Variants in FRRS1 observed in about 807,000 individuals in gnomAD.
The protein encoded by FRRS1 is ferric reductase 1.
In FRRS1, 51 loss-of-function variants were observed where a neutral mutation model predicts 70.7. That is an observed-to-expected ratio of 0.72 (90% CI 0.58 to 0.91). The LOEUF is 0.91. Ranked by LOEUF, FRRS1 falls within the 40% of genes least tolerant of loss-of-function variation. The pLI is 0.00. For missense variants in FRRS1, 672 were observed against 726.0 expected, an observed-to-expected ratio of 0.93 and a Z score of 0.86; for synonymous variants, 225 against 238.7, an observed-to-expected ratio of 0.94 and a Z score of 0.53.
intron 9 of FRRS1, among the ~76,000 whole-genome samples, chr1:99,721,493 T>C (rs1401092553): frequency 3.3e-5 from 5 of 150,750 alleles, no homozygotes; most frequent in South Asian, 4.2e-4. Context: ...CCCCCAAAAA[T>C]CTCAAAATCT....
chr1:99,719,154 G>C (rs545335920), intron 10 of FRRS1, among the ~76,000 whole-genome samples: 1 of 152,202 alleles, frequency 6.6e-6, no homozygotes, highest in South Asian at 2.1e-4. Flanking sequence ...ACTCATGCCT[G>C]TAATCCCAGC....
chr1:99,711,207 T>C (rs1654257790), intron 14 of FRRS1: 1 of 423,242 alleles, frequency 2.4e-6, no homozygotes, highest in South Asian at 3.2e-5. Context: ...AGTTTGGCCT[T>C]CTAGTGAACC....
chr1:99,744,365 T>C (rs1391350526), intron 4 of FRRS1, among the ~76,000 whole-genome samples: 1 of 152,172 alleles, frequency 6.6e-6, no homozygotes, highest in Non-Finnish European at 1.5e-5. Context: ...AGTTTGGCTT[T>C]TAAAATGTCA....
At chr1:99,720,401 T>C (rs1284348945) in intron 9 of FRRS1, among the ~76,000 whole-genome samples, 1 of 152,094 alleles carries the variant, frequency 6.6e-6, no homozygotes, top group African/African-American at 2.4e-5. Context: ...AAACTAAATA[T>C]CCATCATTAG....
intron 5 of FRRS1, 74 bp from the exon 6 acceptor site, chr1:99,741,014 A>G: frequency 7.4e-7 from 1 of 1,345,260 alleles, no homozygotes; most frequent in Non-Finnish European, 1.0e-6. Flanking sequence ...TTAAAGGAAA[A>G]AAAAAAGAAA....
chr1:99,757,804 T>A (rs919185279), intron 1 of FRRS1, among the ~76,000 whole-genome samples: 2 of 152,208 alleles, frequency 1.3e-5, no homozygotes, highest in Non-Finnish European at 1.5e-5. Context: ...TTTAATTAAT[T>A]TATGTCTTAA....
intron 7 of FRRS1, among the ~76,000 whole-genome samples, chr1:99,735,873 C>T (rs1052945690): frequency 2.0e-5 from 3 of 152,100 alleles, no homozygotes; most frequent in Non-Finnish European, 4.4e-5. Flanking sequence ...TTTTACGTAA[C>T]CAGTAAAAGG....
At chr1:99,736,811 T>TA (rs397976500) in intron 7 of FRRS1, among the ~76,000 whole-genome samples, 2 of 44,840 alleles carry the variant, frequency 4.5e-5, no homozygotes, top group Non-Finnish European at 6.7e-5. Flanking sequence ...TAAAAAAGAA[T>TA]AAAAAAAAGA....
At chr1:99,716,939 T>G (rs1365046709) in intron 11 of FRRS1, among the ~76,000 whole-genome samples, 1 of 152,200 alleles carries the variant, frequency 6.6e-6, no homozygotes, top group African/African-American at 2.4e-5. Flanking sequence ...AGATAGATGA[T>G]CCCAATTGAT....
intron 7 of FRRS1, among the ~76,000 whole-genome samples, chr1:99,729,983 G>A (rs1571118211): frequency 6.6e-6 from 1 of 152,208 alleles, no homozygotes. Flanking sequence ...AATAGATTAA[G>A]ATAGATATAT....
At chr1:99,714,550 A>G (rs933550717) in intron 12 of FRRS1, among the ~76,000 whole-genome samples, 1 of 152,204 alleles carries the variant, frequency 6.6e-6, no homozygotes, top group Non-Finnish European at 1.5e-5. Context: ...CAAGGGTTGA[A>G]GTGGAGAGAC....
chr1:99,721,101 C>T (rs1193098123), intron 9 of FRRS1, among the ~76,000 whole-genome samples: 1 of 152,140 alleles, frequency 6.6e-6, no homozygotes, highest in South Asian at 2.1e-4. Context: ...TAAAGGATGG[C>T]TGGGTGTGGT....
Position 99,708,375 on chromosome 1 carries a change from A to G in FRRS1, c.*653T>C, listed in dbSNP as rs11166304. Among the ~76,000 whole-genome samples, 19,953 of 151,688 alleles carry G rather than the reference A, an allele frequency of 0.13. 2,811 individuals carry two copies. Among genetic ancestry groups the G allele is most frequent in the African/African-American group, 0.36 (14,668 of 41,260 alleles). ...AGCACTTTGGGAAGCTGAGGCAGGCAGATCACAAGGTCAGGAGATCGAGAC... is the reference window on the plus strand; with the variant it reads ...AGCACTTTGGGAAGCTGAGGCAGGCGGATCACAAGGTCAGGAGATCGAGAC... On this transcript the variant is annotated 3_prime_UTR_variant, in exon 17 of 17. Transcript: ENST00000646001.
At chr1:99,761,524 C>T (rs944845029) in intron 1 of FRRS1, among the ~76,000 whole-genome samples, 5 of 152,132 alleles carry the variant, frequency 3.3e-5, no homozygotes, top group African/African-American at 1.2e-4. Flanking sequence ...CTCCATGTAG[C>T]CCTCACAATA....
rs778807111 is a variant in FRRS1 at position 99,710,957 on chromosome 1, CA to C, written c.1481-9del. ...CCAGGAACATCGCTGCCACTACATA[CA>C]AAAGAAAAAAGTTACATTCAAATGT... is the stretch of plus-strand genomic sequence containing the variant. On this transcript the variant is annotated splice_polypyrimidine_tract_variant and intron_variant, in intron 14 of 16. Coordinates refer to ENST00000646001, the MANE Select transcript of FRRS1 (RefSeq NM_001361041.2). 1.3e-5 allele frequency: 21 copies of C among 1,608,014 alleles called. No homozygotes were observed. The Admixed American group carries it at 2.4e-4, about 18-fold the overall frequency.
intron 5 of FRRS1, 104 bp downstream of exon 5, chr1:99,742,075 A>C (rs1227821458): frequency 2.8e-6 from 2 of 717,622 alleles, no homozygotes; most frequent in African/African-American, 3.5e-5. Flanking sequence ...GGCCAGTCTC[A>C]AAATCCTGGG....
At chr1:99,747,175 G>A in intron 4 of FRRS1, 119 bp downstream of exon 4, 2 of 675,818 alleles carry the variant, frequency 3.0e-6, no homozygotes, top group Non-Finnish European at 5.1e-6. Flanking sequence ...TCACCAATAG[G>A]CTATTTGTAG....
At chr1:99,710,712 T>C in intron 15 of FRRS1, 94 bp downstream of exon 15, 22 of 1,069,176 alleles carry the variant, frequency 2.1e-5, no homozygotes, top group Non-Finnish European at 2.7e-5. Flanking sequence ...GAGCTAACAA[T>C]GTAGCAGTCA....
At chr1:99,722,660 T>C (rs1241744098) in intron 9 of FRRS1, among the ~76,000 whole-genome samples, 1 of 152,220 alleles carries the variant, frequency 6.6e-6, no homozygotes, top group East Asian at 1.9e-4. Flanking sequence ...TTCATATGAA[T>C]TCTTATTAAA....
Sources: gnomAD v4.1 joint callset for allele counts (sites outside exome capture counted in the v4.1 genomes callset) on GRCh38, gnomAD v4.1.1 for gene constraint, MANE v1.5 for transcripts, NCBI Gene and HGNC (gene_info 2026-07-23, HGNC 2026-07-21) for gene names.